The following PTPRD variants were observed in gnomAD, a reference collection of about 807,000 sequenced individuals.
The protein encoded by PTPRD is protein tyrosine phosphatase receptor type D.
Under a neutral mutation model 214.5 loss-of-function variants are expected in PTPRD, and 34 were observed. The observed-to-expected ratio is 0.16, with a 90% CI of 0.12 to 0.21. PTPRD has a LOEUF of 0.21. Among genes scored for constraint, PTPRD ranks in the 10% least tolerant of loss-of-function variants. The pLI, the probability that PTPRD is intolerant of heterozygous loss-of-function variation, is 1.00. For synonymous variants in PTPRD, 1,128 were observed against 845.7 expected (o/e 1.33, Z -5.79); for missense variants, 2,545 against 2,398.7 (o/e 1.06, Z -1.27).
chr9:9,145,995 T>G (rs1311071667), intron 10 of PTPRD, among the ~76,000 whole-genome samples: 1 of 152,196 alleles, frequency 6.6e-6, no homozygotes, highest in African/African-American at 2.4e-5. Flanking sequence ...CTGATGGCGC[T>G]TTGACCTAAC....
intron 12 of PTPRD, among the ~76,000 whole-genome samples, chr9:8,703,778 G>A (rs112572959): frequency 6.6e-6 from 1 of 152,086 alleles, no homozygotes; most frequent in Non-Finnish European, 1.5e-5. Context: ...CCCCAGCCCA[G>A]TTTTCTGAGT....
At position 8,486,361 on chromosome 9, in the gene PTPRD, G is replaced by A. The variant is rs1276666149; in HGVS notation, c.2468-12C>T. The A allele has an allele frequency of 1.2e-6, 2 of 1,609,782 alleles. No individual in the cohort carries two copies. Among genetic ancestry groups the A allele is most frequent in the Non-Finnish European group, 1.7e-6 (2 of 1,176,150 alleles). ...AGGTTTCCCTGGAACTGGAGCACAT[G>A]GGATGGAGTGGTAAGACCAACCAAT... On this transcript the variant is annotated splice_polypyrimidine_tract_variant and intron_variant, in intron 27 of 45. Coordinates refer to ENST00000381196, the MANE Select transcript of PTPRD (RefSeq NM_002839.4).
At position 10,278,969 on chromosome 9, in the gene PTPRD, C is replaced by T. The variant is rs371172137; in HGVS notation, c.-545+61994G>A. Reference sequence around the variant, plus strand: ...TTTTGTATTTTTAGTAGAGACGGGGCTTCACCGTGTTAGCCAGGATGATCT... The same window carrying T: ...TTTTGTATTTTTAGTAGAGACGGGGTTTCACCGTGTTAGCCAGGATGATCT... On this transcript the variant is annotated intron_variant, in intron 3 of 45. Transcript: ENST00000381196. Among the ~76,000 whole-genome samples the T allele has an allele frequency of 1.3e-3, 197 of 151,998 alleles. 1 individual carries two copies. In the South Asian group the frequency reaches 0.015, roughly 11 times the overall value.
intron 11 of PTPRD, among the ~76,000 whole-genome samples, chr9:8,850,321 G>C (rs2097786567): frequency 6.6e-6 from 1 of 152,104 alleles, no homozygotes; most frequent in African/African-American, 2.4e-5. Flanking sequence ...AGACAGTACA[G>C]ATAGCCACCT....
intron 5 of PTPRD, among the ~76,000 whole-genome samples, chr9:9,879,394 G>A (rs1480697498): frequency 6.6e-6 from 1 of 152,106 alleles, no homozygotes; most frequent in Non-Finnish European, 1.5e-5. Context: ...ATCTGCCTAA[G>A]GGCAACCTCC....
intron 14 of PTPRD, among the ~76,000 whole-genome samples, chr9:8,535,335 C>T (rs1199021844): frequency 7.9e-5 from 12 of 151,992 alleles, no homozygotes; most frequent in East Asian, 3.9e-4. Context: ...TATCTAGACA[C>T]GCAACTAAAT....
chr9:9,505,409 T>C (rs1047879461), intron 8 of PTPRD, among the ~76,000 whole-genome samples: 1 of 151,528 alleles, frequency 6.6e-6, no homozygotes, highest in Non-Finnish European at 1.5e-5. Context: ...CATTGCTCAA[T>C]ATAGGATGTA....
chr9:8,714,917 C>A (rs2098414979), intron 12 of PTPRD, among the ~76,000 whole-genome samples: 1 of 151,802 alleles, frequency 6.6e-6, no homozygotes, highest in Non-Finnish European at 1.5e-5. Flanking sequence ...ATTTAGAGCC[C>A]CCTAGAATGC....
chr9:10,183,875 A>C (rs1437082849), intron 3 of PTPRD, among the ~76,000 whole-genome samples: 2 of 152,216 alleles, frequency 1.3e-5, no homozygotes, highest in Non-Finnish European at 2.9e-5. Flanking sequence ...CACAAAGGAG[A>C]GATAACTATT....
intron 39 of PTPRD, among the ~76,000 whole-genome samples, chr9:8,345,468 T>C (rs1467215552): frequency 6.6e-6 from 1 of 152,062 alleles, no homozygotes; most frequent in African/African-American, 2.4e-5. Context: ...TGATATTTCA[T>C]TGGCAGCATT....
chr9:8,539,172 T>C (rs908613299), intron 14 of PTPRD, among the ~76,000 whole-genome samples: 11 of 152,018 alleles, frequency 7.2e-5, no homozygotes, highest in Non-Finnish European at 4.4e-5. Context: ...CATACTGATA[T>C]AAATAACTGA....
intron 12 of PTPRD, chr9:8,700,653 A>G (rs533174183): frequency 6.6e-6 from 1 of 152,356 alleles, no homozygotes. Flanking sequence ...TTTCATGGAG[A>G]GTAATTAAAG....
intron 6 of PTPRD, among the ~76,000 whole-genome samples, chr9:9,755,218 G>A (rs1341094260): frequency 6.6e-6 from 1 of 151,996 alleles, no homozygotes; most frequent in Non-Finnish European, 1.5e-5. Flanking sequence ...AAGATCAGGA[G>A]AAGGAAATTG....
rs189350095 is a variant in PTPRD, at chr9:10,129,904, G to A, written c.-544-96114C>T. ...AAAAGCTTATTTGAGAATAAAAATG[G>A]TAGTTTGGTTTAGTGGAAATAACCA... On this transcript the variant is annotated intron_variant, in intron 3 of 45. Transcript: ENST00000381196. 3.9e-3 allele frequency among the ~76,000 whole-genome samples: 598 copies of A among 151,762 alleles called. 5 individuals carry two copies. Among genetic ancestry groups the A allele is most frequent in the African/African-American group, 8.0e-3 (333 of 41,464 alleles).
intron 4 of PTPRD, among the ~76,000 whole-genome samples, chr9:9,950,160 G>A (rs998610989): frequency 3.3e-5 from 5 of 152,094 alleles, no homozygotes; most frequent in South Asian, 4.1e-4. Context: ...GTGAACTGTG[G>A]CTGACTTTAT....
At chr9:10,141,495 T>G (rs1049027813) in intron 3 of PTPRD, among the ~76,000 whole-genome samples, 10 of 152,082 alleles carry the variant, frequency 6.6e-5, no homozygotes, top group African/African-American at 2.4e-4. Context: ...TGAACTCCCA[T>G]TCACAATTGC....
chr9:8,461,592 C>G (rs950963203), intron 32 of PTPRD, among the ~76,000 whole-genome samples: 7 of 151,748 alleles, frequency 4.6e-5, no homozygotes, highest in Admixed American at 2.0e-4. Flanking sequence ...TCACTCCAAA[C>G]CACCATTGGT....
intron 8 of PTPRD, among the ~76,000 whole-genome samples, chr9:9,474,161 C>A (rs1463527254): frequency 6.6e-6 from 1 of 152,054 alleles, no homozygotes; most frequent in Non-Finnish European, 1.5e-5. Flanking sequence ...GGTTTAATTT[C>A]ATTCTGCTGC....
chr9:10,288,937 G>A (rs972755934), intron 3 of PTPRD, among the ~76,000 whole-genome samples: 5 of 151,582 alleles, frequency 3.3e-5, no homozygotes, highest in African/African-American at 9.7e-5. Context: ...CTATATAATC[G>A]GCATCAATAA....
Sources: allele counts gnomAD v4.1 joint callset (sites outside exome capture counted in the v4.1 genomes callset), GRCh38; gene constraint gnomAD v4.1.1; transcripts MANE v1.5; gene names NCBI Gene and HGNC (gene_info 2026-07-23, HGNC 2026-07-21).